STIM1: variants seen among roughly 807,000 people sequenced by gnomAD.
The protein encoded by STIM1 is stromal interaction molecule 1.
Under a neutral mutation model 74.7 loss-of-function variants are expected in STIM1, and 25 were observed. The observed-to-expected ratio is 0.33, with a 90% confidence interval of 0.24 to 0.47. STIM1 has a LOEUF of 0.47. Ranked by LOEUF, STIM1 falls within the 20% of genes least tolerant of loss-of-function variation. The pLI, the probability that STIM1 is intolerant of heterozygous loss-of-function variation, is 1.00. For synonymous variants in STIM1, 328 were observed against 348.8 expected (o/e 0.94, Z 0.66); for missense variants, 728 against 920.8 (o/e 0.79, Z 2.71).
rs571679316 is a variant in STIM1, at chr11:3,989,427, G to T, written c.270+21745G>T. 34 of 728,552 alleles carry T rather than the reference G, an allele frequency of 4.7e-5. 1 individual carries two copies. Among genetic ancestry groups the T allele is most frequent in the South Asian group, 4.4e-4 (32 of 73,268 alleles). 45.1% of individuals were successfully genotyped at this position (728,552 alleles called of 1,614,324 possible). ...ATCTCCTCTTGGGCTCTTCCTTGGCGGCCCCTTCCGCGGAGCTGACCTTGC... is the reference window on the plus strand; with the variant it reads ...ATCTCCTCTTGGGCTCTTCCTTGGCTGCCCCTTCCGCGGAGCTGACCTTGC... On this transcript the variant is annotated intron_variant, in intron 2 of 12. Transcript: ENST00000526596.
rs2090350521 is a variant in STIM1 at position 3,855,979 on chromosome 11, A to G, written c.-292A>G. ...GGGTGTAGTAATCTGCGGAGCTGAC[A>G]GCAGCCCCGCAGCCACCCTGCCCGA... On this transcript the variant is annotated 5_prime_UTR_variant, in exon 1 of 13. Coordinates refer to ENST00000526596, the MANE Select transcript of STIM1 (RefSeq NM_001382567.1). 1 of 477,292 alleles carries G rather than the reference A, an allele frequency of 2.1e-6. No homozygotes were observed. The highest frequency in any genetic ancestry group is 3.9e-6 in the Non-Finnish European group (1 of 258,676). 29.6% of individuals were successfully genotyped at this position (477,292 alleles called of 1,614,324 possible).
intron 3 of STIM1, among the ~76,000 whole-genome samples, chr11:4,038,327 A>T (rs1222587088): frequency 6.6e-6 from 1 of 152,090 alleles, no homozygotes; most frequent in East Asian, 1.9e-4. Context: ...GAGCCACTGC[A>T]CTGGGCCTAC....
chr11:3,896,132 C>T (rs550519708), intron 1 of STIM1, among the ~76,000 whole-genome samples: 3 of 152,110 alleles, frequency 2.0e-5, no homozygotes, highest in East Asian at 1.9e-4. Flanking sequence ...TCTTGATCTC[C>T]TGATCTCGTG....
At chr11:3,953,806 AG>A (rs2093179400) in intron 1 of STIM1, among the ~76,000 whole-genome samples, 1 of 137,852 alleles carries the variant, frequency 7.3e-6, no homozygotes, top group South Asian at 2.3e-4. Context: ...TTTTTGAGAC[AG>A]GGTCTTGCTC....
At chr11:4,089,000 G>C (rs2094508577) in intron 12 of STIM1, 3 of 406,406 alleles carry the variant, frequency 7.4e-6, no homozygotes, top group South Asian at 2.4e-5. Context: ...GGGAGGCCGA[G>C]AGCGGAGGAC....
intron 1 of STIM1, among the ~76,000 whole-genome samples, chr11:3,956,823 CAAAAA>C (rs78285130): frequency 1.6e-3 from 60 of 38,184 alleles, no homozygotes; most frequent in Middle Eastern, 0.02. Context: ...ACCCTGTCTC[CAAAAA>C]AAAAAAAAAA....
chr11:3,916,264 T>C (rs2092640627), intron 1 of STIM1, among the ~76,000 whole-genome samples: 1 of 151,704 alleles, frequency 6.6e-6, no homozygotes, highest in African/African-American at 2.4e-5. Context: ...AACCCTTGAA[T>C]GTGTGCCAAT....
At chr11:3,861,532 C>G (rs1332192162) in intron 1 of STIM1, among the ~76,000 whole-genome samples, 1 of 152,134 alleles carries the variant, frequency 6.6e-6, no homozygotes, top group Non-Finnish European at 1.5e-5. Context: ...CGCGCCTGGC[C>G]TCTATTTTTT....
chr11:3,902,238 T>G (rs1455302355), intron 1 of STIM1, among the ~76,000 whole-genome samples: 1 of 152,158 alleles, frequency 6.6e-6, no homozygotes, highest in Admixed American at 6.5e-5. Flanking sequence ...TTTTTATGAG[T>G]TACTGTAGCT....
chr11:3,969,554 A>T (rs1379029290), intron 2 of STIM1, among the ~76,000 whole-genome samples: 1 of 152,248 alleles, frequency 6.6e-6, no homozygotes, highest in Admixed American at 6.5e-5. Flanking sequence ...GTCTGTAAGG[A>T]TGAACCAGAT....
chr11:4,023,238 A>G (rs530943638), intron 2 of STIM1, among the ~76,000 whole-genome samples: 24 of 152,290 alleles, frequency 1.6e-4, no homozygotes, highest in South Asian at 8.3e-4. Context: ...CTGAGACAAG[A>G]GAATTGCTTG....
At chr11:4,036,125 C>T (rs766963910) in intron 3 of STIM1, among the ~76,000 whole-genome samples, 1 of 152,092 alleles carries the variant, frequency 6.6e-6, no homozygotes, top group Non-Finnish European at 1.5e-5. Flanking sequence ...TCCATTCTTG[C>T]GTGAATTTGC....
At chr11:4,000,687 C>CGCAGT (rs2093707005) in intron 2 of STIM1, among the ~76,000 whole-genome samples, 1 of 152,224 alleles carries the variant, frequency 6.6e-6, no homozygotes, top group Non-Finnish European at 1.5e-5. Context: ...GCCTCTCCTC[C>CGCAGT]TCCAAAGGAA....
At chr11:3,930,013 C>T (rs2092838075) in intron 1 of STIM1, among the ~76,000 whole-genome samples, 1 of 152,148 alleles carries the variant, frequency 6.6e-6, no homozygotes, top group African/African-American at 2.4e-5. Flanking sequence ...GCAATCTGCC[C>T]ATCCCCTTTT....
At chr11:4,068,515 A>G (rs1264937566) in intron 5 of STIM1, among the ~76,000 whole-genome samples, 2 of 152,126 alleles carry the variant, frequency 1.3e-5, no homozygotes, top group Non-Finnish European at 2.9e-5. Context: ...CCAGGAAGTA[A>G]GGCAACTCAC....
At chr11:4,026,090 A>C (rs900055487) in intron 3 of STIM1, among the ~76,000 whole-genome samples, 1 of 152,228 alleles carries the variant, frequency 6.6e-6, no homozygotes, top group African/African-American at 2.4e-5. Flanking sequence ...CCAGAGCTAC[A>C]AAAAGCATTT....
At chr11:3,914,826 A>G (rs2092619562) in intron 1 of STIM1, among the ~76,000 whole-genome samples, 1 of 152,224 alleles carries the variant, frequency 6.6e-6, no homozygotes, top group South Asian at 2.1e-4. Context: ...GGAACCACCA[A>G]ACTGTTTTCC....
intron 2 of STIM1, among the ~76,000 whole-genome samples, chr11:3,978,403 C>T (rs1462727038): frequency 2.7e-5 from 4 of 150,666 alleles, no homozygotes; most frequent in Admixed American, 6.6e-5. Context: ...CCGCCTCGGC[C>T]TCCCAAAGTG....
chr11:3,996,705 T>G (rs1266877722), intron 2 of STIM1, among the ~76,000 whole-genome samples: 2 of 152,230 alleles, frequency 1.3e-5, no homozygotes, highest in African/African-American at 4.8e-5. Flanking sequence ...GTTTCTTCAT[T>G]GGCTGTGTGC....
Sources: gnomAD v4.1 joint callset for allele counts (sites outside exome capture counted in the v4.1 genomes callset) on GRCh38, gnomAD v4.1.1 for gene constraint, MANE v1.5 for transcripts, NCBI Gene and HGNC (gene_info 2026-07-23, HGNC 2026-07-21) for gene names.